Variants in DDX56 observed in about 807,000 individuals in gnomAD.
The protein encoded by DDX56 is probable ATP-dependent RNA helicase DDX56.
Under a neutral mutation model 61.5 loss-of-function variants are expected in DDX56, and 45 were observed. The observed-to-expected ratio is 0.73, with a 90% CI of 0.58 to 0.94. DDX56 has a LOEUF of 0.94. Ranked by LOEUF, DDX56 falls within the 40% of genes least tolerant of loss-of-function variation. The probability of loss-of-function intolerance (pLI) is 0.00; values close to 1 mark genes in which losing one functional copy is unlikely to be tolerated. For missense variants in DDX56, 708 were observed against 690.7 expected, an observed-to-expected ratio of 1.02 and a Z score of -0.28; for synonymous variants, 273 against 268.3, an observed-to-expected ratio of 1.02 and a Z score of -0.17.
chr7:44,568,045 G>A (rs1413756130), intron 12 of DDX56, 73 bp downstream of exon 12: 2 of 1,229,112 alleles, frequency 1.6e-6, no homozygotes, highest in Non-Finnish European at 2.4e-6. Context: ...AAGCACAGGG[G>A]CTGACCCAGC....
Position 44,572,936 on chromosome 7 carries a change from C to T in DDX56, c.337G>A (p.Val113Ile). 6.2e-7 allele frequency: 1 copy of T among 1,609,234 alleles called. No individual in the cohort carries two copies. The highest frequency in any genetic ancestry group is 1.7e-4 in the Middle Eastern group (1 of 6,044). Reference sequence around the variant, plus strand: ...GCAGCTGAGACATTGGCCACTCGGACATCCCGAGCACAGTAGGTAGCCAGC... The same window carrying T: ...GCAGCTGAGACATTGGCCACTCGGATATCCCGAGCACAGTAGGTAGCCAGC... ...QQLATYCARD[V>I]RVANVSAAED... Residue 113 changes from valine to isoleucine, a missense_variant, in exon 3 of 14, where the codon GTC becomes ATC. Physicochemically the swap from Val to Ile is conservative, Grantham distance 29. Coordinates refer to ENST00000258772, the MANE Select transcript of DDX56 (RefSeq NM_019082.4).
rs1172602235 is a variant in DDX56, at chr7:44,567,996, G to C, written c.1489+122C>G. The C allele has an allele frequency of 7.7e-6, 6 of 778,252 alleles. No individual in the cohort carries two copies. The East Asian group carries it at 8.0e-5, about 10-fold the overall frequency. 48.2% of individuals were successfully genotyped at this position (778,252 alleles called of 1,614,324 possible). A position where few individuals can be genotyped will look rare whatever the true frequency, so the allele number is the denominator to read the frequency against. ...TGTTTACATGCCCGCGTGCTGCCAGGGTCTCCAGGTTCTATTCTGCCTGAG... is the reference window on the plus strand; with the variant it reads ...TGTTTACATGCCCGCGTGCTGCCAGCGTCTCCAGGTTCTATTCTGCCTGAG... On this transcript the variant is annotated intron_variant, in intron 12 of 13. Transcript: ENST00000258772.
chr7:44,573,786 T>C (rs1225442002), intron 1 of DDX56, 42 bp from the exon 2 acceptor site: 2 of 1,613,392 alleles, frequency 1.2e-6, no homozygotes, highest in South Asian at 2.2e-5. Flanking sequence ...TGAAGAGCGA[T>C]GGCGCGCCCC....
intron 11 of DDX56, 58 bp downstream of exon 11, chr7:44,568,845 G>T: frequency 1.4e-6 from 2 of 1,433,584 alleles, no homozygotes; most frequent in South Asian, 1.1e-5. Context: ...AGCTCAGCCA[G>T]TCTCCAAAAA....
Position 44,573,850 on chromosome 7 carries a change from G to A in DDX56, c.46C>T (p.Pro16Ser). The A allele has an allele frequency of 2.5e-6, 4 of 1,613,326 alleles. No individual in the cohort carries two copies. Among genetic ancestry groups the A allele is most frequent in the Non-Finnish European group, 3.4e-6 (4 of 1,180,002 alleles). ...ALGFEHMGLDPRLLQAVTDLG... is the reference protein window; with the variant it reads ...ALGFEHMGLDSRLLQAVTDLG... The stretch of plus-strand genomic sequence containing the variant: ...CTCGCGTGTACCTGAAGGAGCCGGG[G>A]ATCGAGGCCCATGTGTTCGAAGCCC... Residue 16 changes from proline (P) to serine (S), a missense_variant, in exon 1 of 14, where the codon CCC (proline) becomes TCC (serine). Physicochemically the swap from Pro to Ser is moderately conservative, Grantham distance 74. Coordinates refer to ENST00000258772, the MANE Select transcript of DDX56 (RefSeq NM_019082.4).
Position 44,565,991 on chromosome 7 carries a change from G to C in DDX56, c.*11C>G, listed in dbSNP as rs772729433. On this transcript the variant is annotated 3_prime_UTR_variant, in exon 14 of 14. Transcript: ENST00000258772. The stretch of plus-strand genomic sequence containing the variant: ...CCACAATGTGCTCAGCTCCAGAGAG[G>C]CCCAACAACCTCAGGAGGGCTTGGC... 2 of 1,604,002 alleles carry C rather than the reference G, an allele frequency of 1.2e-6. No individual in the cohort carries two copies. The highest frequency in any genetic ancestry group is 3.3e-5 in the Admixed American group (2 of 59,752).
chr7:44,571,759 G>A, intron 5 of DDX56, 23 bp from the exon 6 acceptor site: 1 of 1,611,996 alleles, frequency 6.2e-7, no homozygotes, highest in South Asian at 1.1e-5. Context: ...ACAGGCCTGT[G>A]GTCAGAAAGG....
chr7:44,569,616 A>G (rs761818664), intron 9 of DDX56, 193 bp downstream of exon 9: 1 of 627,352 alleles, frequency 1.6e-6, no homozygotes, highest in Non-Finnish European at 2.8e-6. Flanking sequence ...AGTAAACACA[A>G]CTTTGGACAA....
At chr7:44,571,859 C>T in intron 5 of DDX56, 123 bp from the exon 6 acceptor site, 2 of 1,276,986 alleles carry the variant, frequency 1.6e-6, no homozygotes, top group Non-Finnish European at 2.2e-6. Context: ...GGATTCCTGG[C>T]ACCCTAACTC....
rs757733447 is a variant in DDX56 at position 44,573,710 on chromosome 7, A to G, written c.95T>C (p.Leu32Pro). The G allele has an allele frequency of 1.3e-5, 21 of 1,613,544 alleles. No individual in the cohort carries two copies. In the Admixed American group the frequency reaches 3.3e-4, roughly 26 times the overall value. The stretch of plus-strand genomic sequence containing the variant: ...CAGTGGGATGGCCTTCTCCTGGATC[A>G]GCGTAGGTCGCGACCAGCCCAGATC... ...VTDLGWSRPT[L>P]IQEKAIPLAL... The change falls in exon 2 of 14, where the codon CTG becomes CCG. Residue 32 changes from leucine to proline, a missense_variant. Transcript: ENST00000258772.
In DDX56 at chr7:44,569,842, G is replaced by A; in HGVS notation, c.1186C>T (p.His396Tyr). The change falls in exon 9 of 14, where the codon CAC (histidine) becomes TAC (tyrosine). Residue 396 changes from histidine (H) to tyrosine (Y), a missense_variant. By Grantham distance (83) the His-to-Tyr change is moderately conservative. Coordinates refer to ENST00000258772, the MANE Select transcript of DDX56 (RefSeq NM_019082.4). ...LTFVLPTEQF[H>Y]LGKIEELLSG... ...AGAAGCTCCTCAATCTTGCCTAAGT[G>A]GAACTGCTCCGTGGGAAGCACAAAG... 1 of 1,610,348 alleles carries A rather than the reference G, an allele frequency of 6.2e-7. No homozygotes were observed. The highest frequency in any genetic ancestry group is 8.5e-7 in the Non-Finnish European group (1 of 1,178,042).
At chr7:44,566,132 C>CGGGGGGG (rs1802527178) in intron 13 of DDX56, 53 bp from the exon 14 acceptor site, 3 of 1,036,556 alleles carry the variant, frequency 2.9e-6, no homozygotes, top group East Asian at 2.7e-5. Flanking sequence ...ACAGACAATC[C>CGGGGGGG]ACCCACCCAC....
intron 9 of DDX56, 188 bp downstream of exon 9, chr7:44,569,621 G>A (rs1802622779): frequency 3.2e-6 from 2 of 630,290 alleles, no homozygotes; most frequent in African/African-American, 1.8e-5. Flanking sequence ...ACACAACTTT[G>A]GACAAATTAC....
chr7:44,570,804 C>A lies in DDX56; in HGVS notation c.964G>T (p.Ala322Ser), dbSNP rs767238092. The change falls in exon 7 of 14, where the codon GCC (alanine) becomes TCC (serine). Residue 322 changes from alanine (A) to serine (S), a missense_variant. Transcript: ENST00000258772. ...VIATDAEVLG[A>S]PVKGKRRGRG... ...CCCCGACGCTTGCCCTTGACTGGGG[C>A]CCCCAGGACTTCAGCATCAGTTGCT... The A allele has an allele frequency of 2.5e-6, 4 of 1,613,620 alleles. No homozygotes were observed. In the Admixed American group the frequency reaches 6.7e-5, roughly 27 times the overall value.
rs769232956 is a variant in DDX56 at position 44,565,986 on chromosome 7, G to A, written c.*16C>T. On this transcript the variant is annotated 3_prime_UTR_variant, in exon 14 of 14. Coordinates refer to ENST00000258772, the MANE Select transcript of DDX56 (RefSeq NM_019082.4). ...GTGCTCCACAATGTGCTCAGCTCCA[G>A]AGAGGCCCAACAACCTCAGGAGGGC... 1 of 1,600,972 alleles carries A rather than the reference G, an allele frequency of 6.2e-7. No individual in the cohort carries two copies. The highest frequency in any genetic ancestry group is 2.2e-5 in the East Asian group (1 of 44,800).
chr7:44,570,972 T>C, intron 6 of DDX56, 95 bp from the exon 7 acceptor site: 1 of 1,413,802 alleles, frequency 7.1e-7, no homozygotes, highest in Non-Finnish European at 9.5e-7. Context: ...CCCTTTCCTT[T>C]TTCCTCTTCT....
rs370296353 is a variant in DDX56, at chr7:44,569,497, T to C, written c.1220-294A>G. 3.9e-5 allele frequency among the ~76,000 whole-genome samples: 6 copies of C among 152,196 alleles called. No individual in the cohort carries two copies. The East Asian group carries it at 9.7e-4, about 25-fold the overall frequency. On this transcript the variant is annotated intron_variant, in intron 9 of 13. Coordinates refer to ENST00000258772, the MANE Select transcript of DDX56 (RefSeq NM_019082.4). ...TTCCTTGGGAGTCAAGGTACCCCCA[T>C]GACGACGGCCACAGAGAGCAGTCCA... is the stretch of plus-strand genomic sequence containing the variant.
At chr7:44,567,923 C>T in intron 12 of DDX56, 195 bp downstream of exon 12, 1 of 611,268 alleles carries the variant, frequency 1.6e-6, no homozygotes. Context: ...ACAGCAACAG[C>T]TAACCCGTGG....
chr7:44,568,311 G>A (rs1335609334), intron 11 of DDX56, 88 bp from the exon 12 acceptor site: 3 of 970,296 alleles, frequency 3.1e-6, no homozygotes, highest in African/African-American at 1.6e-5. Flanking sequence ...ACACACTCAT[G>A]TGTTTCAAAA....
Sources: gnomAD v4.1 joint callset for allele counts (sites outside exome capture counted in the v4.1 genomes callset) on GRCh38, gnomAD v4.1.1 for gene constraint, MANE v1.5 for transcripts, NCBI Gene and HGNC (gene_info 2026-07-23, HGNC 2026-07-21) for gene names.